The following SLC4A10 variants were observed in gnomAD, a reference collection of about 807,000 sequenced individuals.
SLC4A10 encodes solute carrier family 4 member 10, also known as sodium-driven chloride bicarbonate exchanger.
In SLC4A10, 42 loss-of-function variants were observed where a neutral mutation model predicts 137.7. The ratio of observed to expected loss-of-function variants is 0.30; its 90% confidence interval spans 0.24 to 0.39. The LOEUF is 0.39. Ranked by LOEUF, SLC4A10 falls within the 10% of genes least tolerant of loss-of-function variation. SLC4A10 has a pLI of 1.00. For synonymous variants in SLC4A10, 474 were observed against 464.1 expected (o/e 1.02, Z -0.27); for missense variants, 925 against 1,355.0 (o/e 0.68, Z 4.98).
At position 161,938,202 on chromosome 2, in the gene SLC4A10, C is replaced by T. The variant is rs376438344; in HGVS notation, c.1998-4590C>T. On this transcript the variant is annotated intron_variant, in intron 15 of 26. Transcript: ENST00000446997. ...ACGAGAATCGCTTGAACCTGGGAGGCGGAGGTTGCAGTGAACCGAGATCAT... is the reference window on the plus strand; with the variant it reads ...ACGAGAATCGCTTGAACCTGGGAGGTGGAGGTTGCAGTGAACCGAGATCAT... Among the ~76,000 whole-genome samples, 18 of 152,116 alleles carry T rather than the reference C, an allele frequency of 1.2e-4. No individual in the cohort carries two copies. In the East Asian group the frequency reaches 2.3e-3, roughly 20 times the overall value.
At chr2:161,696,514 TC>T (rs1451462553) in intron 1 of SLC4A10, among the ~76,000 whole-genome samples, 1 of 138,244 alleles carries the variant, frequency 7.2e-6, no homozygotes, top group African/African-American at 2.7e-5. Context: ...GTCCATGTGT[TC>T]TCATTGTTCA....
chr2:161,798,303 A>G (rs1339330433), intron 2 of SLC4A10, among the ~76,000 whole-genome samples: 1 of 151,988 alleles, frequency 6.6e-6, no homozygotes, highest in Non-Finnish European at 1.5e-5. Flanking sequence ...TCATTATGCA[A>G]CAGCTGTGTT....
At position 161,907,583 on chromosome 2, in the gene SLC4A10, A is replaced by C. The variant is rs544046467; in HGVS notation, c.1997+1696A>C. On this transcript the variant is annotated intron_variant, in intron 15 of 26. Coordinates refer to ENST00000446997, the MANE Select transcript of SLC4A10 (RefSeq NM_001178015.2). ...ATGAGTGCCGGGTTAAGAGGTTGGT[A>C]CAGAATGCTATAGCAGCACATCAGG... Among the ~76,000 whole-genome samples, 134 of 152,344 alleles carry C rather than the reference A, an allele frequency of 8.8e-4. 4 individuals carry two copies. The South Asian group carries it at 0.028, about 31-fold the overall frequency.
At chr2:161,848,920 C>T (rs889473668) in intron 4 of SLC4A10, among the ~76,000 whole-genome samples, 1 of 151,828 alleles carries the variant, frequency 6.6e-6, no homozygotes, top group African/African-American at 2.4e-5. Flanking sequence ...GAAAAATGTG[C>T]ACTTTTTTCT....
intron 3 of SLC4A10, among the ~76,000 whole-genome samples, chr2:161,832,907 AT>A (rs958543744): frequency 1.1e-4 from 17 of 152,012 alleles, no homozygotes; most frequent in African/African-American, 4.1e-4. Flanking sequence ...CGCCTGGCTA[AT>A]TTTTTGTATT....
In SLC4A10 at chr2:161,758,858, C is replaced by T. The variant is rs558177037; in HGVS notation, c.49-12115C>T. Among the ~76,000 whole-genome samples, 10 of 152,016 alleles carry T rather than the reference C, an allele frequency of 6.6e-5. No individual in the cohort carries two copies. The South Asian group carries it at 2.1e-3, about 32-fold the overall frequency. On this transcript the variant is annotated intron_variant, in intron 1 of 26. Transcript: ENST00000446997. ...AGGATACTGATATTTGGGAGCATTACAAATGATATGATCTTAGGTTGAAGC... is the reference window on the plus strand; with the variant it reads ...AGGATACTGATATTTGGGAGCATTATAAATGATATGATCTTAGGTTGAAGC...
At chr2:161,926,905 G>T (rs962584876) in intron 15 of SLC4A10, among the ~76,000 whole-genome samples, 1 of 151,840 alleles carries the variant, frequency 6.6e-6, no homozygotes, top group African/African-American at 2.4e-5. Flanking sequence ...CTTCTGGCTT[G>T]TAGAGTTTCT....
intron 1 of SLC4A10, among the ~76,000 whole-genome samples, chr2:161,644,577 G>C (rs908175253): frequency 1.1e-4 from 16 of 152,136 alleles, no homozygotes; most frequent in Non-Finnish European, 2.1e-4. Context: ...TTTTTAGATT[G>C]ACTCTATGAA....
At chr2:161,917,322 G>GT (rs1687290120) in intron 15 of SLC4A10, among the ~76,000 whole-genome samples, 1 of 152,106 alleles carries the variant, frequency 6.6e-6, no homozygotes, top group African/African-American at 2.4e-5. Context: ...TCACATGCAG[G>GT]TCTTTATTTG....
At chr2:161,629,766 A>G (rs1326209152) in intron 1 of SLC4A10, among the ~76,000 whole-genome samples, 3 of 151,602 alleles carry the variant, frequency 2.0e-5, no homozygotes, top group Admixed American at 6.6e-5. Context: ...ATAGTTTTGC[A>G]TTTTTTAGAG....
At position 161,769,780 on chromosome 2, in the gene SLC4A10, C is replaced by G. The variant is rs1259892134; in HGVS notation, c.49-1193C>G. ...TGAGATATTGAAATTTTTCCTCCCC[C>G]TCTCTCTGTTCTTTCCATGCTCTTA... On this transcript the variant is annotated intron_variant, in intron 1 of 26. Transcript: ENST00000446997. Among the ~76,000 whole-genome samples, 5 of 151,720 alleles carry G rather than the reference C, an allele frequency of 3.3e-5. No individual in the cohort carries two copies. In the East Asian group the frequency reaches 7.8e-4, roughly 24 times the overall value.
At chr2:161,940,110 T>C (rs1339998250) in intron 15 of SLC4A10, among the ~76,000 whole-genome samples, 1 of 152,140 alleles carries the variant, frequency 6.6e-6, no homozygotes, top group Admixed American at 6.5e-5. Context: ...AAGAAACATT[T>C]ATTCCAAAAA....
chr2:161,633,266 A>G (rs1220760196), intron 1 of SLC4A10, among the ~76,000 whole-genome samples: 1 of 151,746 alleles, frequency 6.6e-6, no homozygotes, highest in Non-Finnish European at 1.5e-5. Context: ...TTAAATGCAA[A>G]TACATATAAC....
intron 1 of SLC4A10, among the ~76,000 whole-genome samples, chr2:161,737,521 A>AGG (rs2125224833): frequency 1.1e-5 from 1 of 93,114 alleles, no homozygotes; most frequent in African/African-American, 6.2e-5. Context: ...TCTTTCATAA[A>AGG]GTCTTTTAAA....
At chr2:161,690,804 G>A (rs914724932) in intron 1 of SLC4A10, among the ~76,000 whole-genome samples, 4 of 152,062 alleles carry the variant, frequency 2.6e-5, no homozygotes, top group African/African-American at 7.2e-5. Flanking sequence ...TGTTGGAGGA[G>A]GGACAGCATC....
At chr2:161,625,233 T>C (rs2032060410) in intron 1 of SLC4A10, among the ~76,000 whole-genome samples, 1 of 152,010 alleles carries the variant, frequency 6.6e-6, no homozygotes, top group African/African-American at 2.4e-5. Flanking sequence ...TGTCATTTGG[T>C]AATAGCCCAT....
intron 22 of SLC4A10, 64 bp from the exon 23 acceptor site, chr2:161,964,987 G>A (rs750269337): frequency 2.3e-5 from 35 of 1,491,624 alleles, no homozygotes; most frequent in Non-Finnish European, 3.0e-5. Flanking sequence ...AAACCATACA[G>A]GCAAATCTAC....
At chr2:161,772,248 C>T (rs1056371412) in intron 2 of SLC4A10, among the ~76,000 whole-genome samples, 10 of 151,666 alleles carry the variant, frequency 6.6e-5, no homozygotes, top group African/African-American at 2.4e-4. Flanking sequence ...AATAATTTAT[C>T]TTTGAGTTCG....
chr2:161,980,910 A>T (rs1360804531), intron 26 of SLC4A10, among the ~76,000 whole-genome samples: 4 of 152,234 alleles, frequency 2.6e-5, no homozygotes, highest in African/African-American at 7.2e-5. Context: ...TGTTACAATG[A>T]AAGCTTAAAA....
Sources: gnomAD v4.1 joint callset for allele counts (sites outside exome capture counted in the v4.1 genomes callset) on GRCh38, gnomAD v4.1.1 for gene constraint, MANE v1.5 for transcripts, NCBI Gene and HGNC (gene_info 2026-07-23, HGNC 2026-07-21) for gene names.